Variants in COG7 observed in about 807,000 individuals in gnomAD.
COG7 encodes conserved oligomeric Golgi complex subunit 7.
In COG7, 49 loss-of-function variants were observed where a neutral mutation model predicts 91.5. The observed-to-expected ratio is 0.54, with a 90% confidence interval of 0.43 to 0.68. The LOEUF (loss-of-function observed/expected upper bound fraction) is 0.68. COG7 is among the 30% of genes least tolerant of loss of function. The pLI, the probability that COG7 is intolerant of heterozygous loss-of-function variation, is 0.00. For missense variants in COG7, 895 were observed against 961.3 expected (o/e 0.93, Z 0.91); for synonymous variants, 365 against 388.7 (o/e 0.94, Z 0.72).
chr16:23,393,779 C>T (rs935200476), intron 14 of COG7, among the ~76,000 whole-genome samples: 1 of 152,126 alleles, frequency 6.6e-6, no homozygotes, highest in African/African-American at 2.4e-5. Flanking sequence ...CAGTGGCTCA[C>T]ACCTGTAATC....
intron 6 of COG7, among the ~76,000 whole-genome samples, chr16:23,431,381 G>C (rs994105883): frequency 6.6e-6 from 1 of 152,190 alleles, no homozygotes; most frequent in African/African-American, 2.4e-5. Flanking sequence ...CCAAAATCTA[G>C]GATGAGGCCC....
chr16:23,431,811 G>GAAA (rs1173401499), intron 6 of COG7, among the ~76,000 whole-genome samples: 1 of 43,200 alleles, frequency 2.3e-5, no homozygotes. Context: ...TCTGTCTGAA[G>GAAA]AAAAAAAAAA....
chr16:23,406,028 GAGA>G, intron 12 of COG7, 45 bp downstream of exon 12: 2 of 1,565,216 alleles, frequency 1.3e-6, no homozygotes, highest in Non-Finnish European at 8.8e-7. Context: ...GGTGAGTGAT[GAGA>G]AGAAGCCTTT....
rs372441639 is a variant in COG7 at position 23,409,287 on chromosome 16, G to A, written c.1475+1008C>T. The stretch of plus-strand genomic sequence containing the variant: ...TTGACATTGGCCACCCAGCTCTTAT[G>A]ATCACTTCTCTGCAGAAAGGGATCA... On this transcript the variant is annotated intron_variant, in intron 11 of 16. Coordinates refer to ENST00000307149, the MANE Select transcript of COG7 (RefSeq NM_153603.4). 7.0e-4 allele frequency among the ~76,000 whole-genome samples: 107 copies of A among 152,260 alleles called. 1 individual carries two copies. Among genetic ancestry groups the A allele is most frequent in the African/African-American group, 2.4e-3 (101 of 41,554 alleles).
intron 3 of COG7, 89 bp downstream of exon 3, chr16:23,444,959 G>A (rs1388216861): frequency 7.4e-6 from 7 of 945,744 alleles, no homozygotes; most frequent in Non-Finnish European, 1.2e-5. Flanking sequence ...GCTGCTATTG[G>A]CTATCAACTT....
chr16:23,429,893 A>G (rs573490917), intron 6 of COG7, among the ~76,000 whole-genome samples: 2 of 152,358 alleles, frequency 1.3e-5, no homozygotes, highest in African/African-American at 4.8e-5. Context: ...AGAAGCCTAC[A>G]AAAGATGAAA....
intron 11 of COG7, among the ~76,000 whole-genome samples, chr16:23,409,993 C>T (rs753809730): frequency 3.9e-5 from 6 of 152,180 alleles, no homozygotes; most frequent in Admixed American, 1.3e-4. Flanking sequence ...AACAAGCAGT[C>T]GGAACCAAGC....
chr16:23,406,085 A>G lies in COG7; in HGVS notation c.1653T>C (p.Tyr551=). 1 of 1,613,524 alleles carries G rather than the reference A, an allele frequency of 6.2e-7. No homozygotes were observed. The highest frequency in any genetic ancestry group is 2.2e-5 in the East Asian group (1 of 44,878). Reference sequence around the variant, plus strand: ...TCATTTGGTCTCATACCTTAAGGGTATAAAGTATTTCCATTAAACTGGCAT... The same window carrying G: ...TCATTTGGTCTCATACCTTAAGGGTGTAAAGTATTTCCATTAAACTGGCAT... ...AEYASLMEIL[Y]TLKEKGSSNH... Residue 551 remains tyrosine (Y), a synonymous_variant, in exon 12 of 17, where the codon TAT becomes TAC. Coordinates refer to ENST00000307149, the MANE Select transcript of COG7 (RefSeq NM_153603.4).
At chr16:23,449,922 G>A (rs185814184) in intron 1 of COG7, among the ~76,000 whole-genome samples, 241 of 151,914 alleles carry the variant, frequency 1.6e-3, no homozygotes, top group Admixed American at 4.1e-3. Flanking sequence ...CCTCATATAT[G>A]TGCTATTATA....
intron 6 of COG7, among the ~76,000 whole-genome samples, chr16:23,429,291 G>T (rs971798944): frequency 6.6e-6 from 1 of 151,936 alleles, no homozygotes; most frequent in East Asian, 1.9e-4. Flanking sequence ...CGCCTGGCTC[G>T]GCAGTTTCTT....
chr16:23,426,289 A>G (rs754478132), intron 6 of COG7, among the ~76,000 whole-genome samples: 2 of 152,200 alleles, frequency 1.3e-5, no homozygotes, highest in Non-Finnish European at 2.9e-5. Context: ...AAACATCTTC[A>G]AGAAAACACT....
intron 4 of COG7, among the ~76,000 whole-genome samples, chr16:23,437,611 T>C (rs1208197193): frequency 6.6e-6 from 1 of 152,146 alleles, no homozygotes; most frequent in Non-Finnish European, 1.5e-5. Context: ...AATATAAACT[T>C]TCAATCAAGG....
At chr16:23,436,236 T>C (rs991371463) in intron 4 of COG7, among the ~76,000 whole-genome samples, 4 of 152,128 alleles carry the variant, frequency 2.6e-5, no homozygotes, top group Non-Finnish European at 4.4e-5. Flanking sequence ...AACAAAATTC[T>C]ATAAATTGGG....
intron 15 of COG7, among the ~76,000 whole-genome samples, chr16:23,393,009 G>A (rs146186566): frequency 8.9e-4 from 135 of 152,242 alleles, no homozygotes; most frequent in Admixed American, 1.6e-3. Flanking sequence ...AGGCACAAGC[G>A]AAAGTGGAAA....
Position 23,392,945 on chromosome 16 carries a change from T to C in COG7, c.2002+288A>G, listed in dbSNP as rs112222246. ...GACTCTGTCTCAATAATAACAATAA[T>C]ACAGAATACAAAGTTACATACAAAA... On this transcript the variant is annotated intron_variant, in intron 15 of 16. Coordinates refer to ENST00000307149, the MANE Select transcript of COG7 (RefSeq NM_153603.4). Among the ~76,000 whole-genome samples, 876 of 151,982 alleles carry C rather than the reference T, an allele frequency of 5.8e-3. 12 individuals carry two copies. The highest frequency in any genetic ancestry group is 0.02 in the African/African-American group (842 of 41,436).
chr16:23,408,606 G>A (rs984698294), intron 11 of COG7, among the ~76,000 whole-genome samples: 9 of 151,956 alleles, frequency 5.9e-5, no homozygotes, highest in Non-Finnish European at 1.3e-4. Flanking sequence ...TCATTATGGG[G>A]AAAGGCTCAC....
chr16:23,440,372 C>CAAAAAAAAAAAAA (rs765438790), intron 4 of COG7, among the ~76,000 whole-genome samples: 1 of 76,258 alleles, frequency 1.3e-5, no homozygotes. Context: ...GACTCCATCT[C>CAAAAAAAAAAAAA]AAAAAAAAAA....
At chr16:23,416,753 T>G (rs1030108057) in intron 9 of COG7, 2 of 608,308 alleles carry the variant, frequency 3.3e-6, no homozygotes, top group Non-Finnish European at 5.8e-6. Context: ...TGTCACATCT[T>G]AAGTAACCTT....
intron 7 of COG7, among the ~76,000 whole-genome samples, chr16:23,419,773 G>A (rs1596933189): frequency 7.5e-6 from 1 of 133,028 alleles, no homozygotes; most frequent in East Asian, 2.4e-4. Context: ...AAAAAGAACT[G>A]CCACAGAGAA....
Sources: allele counts gnomAD v4.1 joint callset (sites outside exome capture counted in the v4.1 genomes callset), GRCh38; gene constraint gnomAD v4.1.1; transcripts MANE v1.5; gene names NCBI Gene and HGNC (gene_info 2026-07-23, HGNC 2026-07-21).